DLG2: variants seen among roughly 807,000 people sequenced by gnomAD.
DLG2 encodes the protein disks large homolog 2.
In DLG2, 45 loss-of-function variants were observed where a neutral mutation model predicts 132.5. That is an observed-to-expected ratio of 0.34 (90% CI 0.27 to 0.44). The LOEUF (loss-of-function observed/expected upper bound fraction) is 0.44. Among genes scored for constraint, DLG2 ranks in the 20% least tolerant of loss-of-function variants. The pLI is 1.00. For missense variants in DLG2, 1,045 were observed against 1,196.9 expected (o/e 0.87, Z 1.87); for synonymous variants, 424 against 419.6 (o/e 1.01, Z -0.13).
intron 3 of DLG2, among the ~76,000 whole-genome samples, chr11:85,411,745 T>C (rs2089329767): frequency 6.6e-6 from 1 of 151,828 alleles, no homozygotes; most frequent in African/African-American, 2.4e-5. Context: ...AAAATAGTGA[T>C]TTTAGCCTCA....
In DLG2 at chr11:83,725,246, C is replaced by G. The variant is rs966416901; in HGVS notation, c.1825+61444G>C. On this transcript the variant is annotated intron_variant, in intron 18 of 27. Transcript: ENST00000376104. ...AGAGGTGAAAACCTGCCTGGGGAGGCTGCTGAAGGACGCCAGGAAGAATTC... is the reference window on the plus strand; with the variant it reads ...AGAGGTGAAAACCTGCCTGGGGAGGGTGCTGAAGGACGCCAGGAAGAATTC... 9 of 232,754 alleles carry G rather than the reference C, an allele frequency of 3.9e-5. No individual in the cohort carries two copies. The Admixed American group carries it at 4.7e-4, about 12-fold the overall frequency. The allele number at this position is 232,754 out of a possible 1,614,324, so 14.4% of individuals were successfully genotyped here.
intron 11 of DLG2, among the ~76,000 whole-genome samples, chr11:84,019,373 C>A (rs1273019526): frequency 1.3e-5 from 2 of 151,940 alleles, no homozygotes; most frequent in African/African-American, 4.8e-5. Flanking sequence ...TTAATTCTGT[C>A]AAAATAGGCC....
chr11:83,593,731 C>A (rs1397191371), intron 19 of DLG2, among the ~76,000 whole-genome samples: 1 of 148,588 alleles, frequency 6.7e-6, no homozygotes, highest in Non-Finnish European at 1.5e-5. Flanking sequence ...ATGTGGAAAT[C>A]CAGTCCTGGC....
At chr11:84,009,534 C>T (rs1315704021) in intron 11 of DLG2, among the ~76,000 whole-genome samples, 1 of 151,918 alleles carries the variant, frequency 6.6e-6, no homozygotes, top group African/African-American at 2.4e-5. Flanking sequence ...GCTAAGCTGC[C>T]TATTTGTTTT....
intron 7 of DLG2, among the ~76,000 whole-genome samples, chr11:84,323,566 A>G (rs1003924059): frequency 1.3e-5 from 2 of 152,132 alleles, no homozygotes; most frequent in African/African-American, 4.8e-5. Flanking sequence ...CAAAAGTGGT[A>G]TTGTTGAATT....
At chr11:84,449,501 GA>G (rs932821588) in intron 7 of DLG2, among the ~76,000 whole-genome samples, 3 of 151,564 alleles carry the variant, frequency 2.0e-5, no homozygotes. Flanking sequence ...TAACTAGATA[GA>G]AAAGGGGAGA....
Position 84,794,499 on chromosome 11 carries a change from A to G in DLG2, c.358-259768T>C, listed in dbSNP as rs549117548. On this transcript the variant is annotated intron_variant, in intron 6 of 27. Transcript: ENST00000376104. ...TGGGTGCAGCTGCAGCCACCCAGCA[A>G]TGGTTCAACACCTGGGCATCCCTGT... Among the ~76,000 whole-genome samples the G allele has an allele frequency of 2.6e-5, 4 of 152,106 alleles. No homozygotes were observed. The East Asian group carries it at 7.7e-4, about 29-fold the overall frequency.
At position 84,102,439 on chromosome 11, in the gene DLG2, A is replaced by G. The variant is rs1292575437; in HGVS notation, c.625-3392T>C. Among the ~76,000 whole-genome samples, 5 of 152,280 alleles carry G rather than the reference A, an allele frequency of 3.3e-5. No individual in the cohort carries two copies. The East Asian group carries it at 7.7e-4, about 24-fold the overall frequency. On this transcript the variant is annotated intron_variant, in intron 9 of 27. Coordinates refer to ENST00000376104, the MANE Select transcript of DLG2 (RefSeq NM_001142699.3). ...AAAAAGGCCACAATAGAAATCCACA[A>G]TGTGTTAAGGAATACAATATGGAAG... is the stretch of plus-strand genomic sequence containing the variant.
intron 9 of DLG2, among the ~76,000 whole-genome samples, chr11:84,116,479 A>G (rs2093639030): frequency 6.6e-6 from 1 of 152,142 alleles, no homozygotes; most frequent in African/African-American, 2.4e-5. Context: ...TGGAAGGTGA[A>G]GGTCTTACAT....
chr11:84,537,670 G>A (rs1366919064), intron 6 of DLG2, among the ~76,000 whole-genome samples: 1 of 152,114 alleles, frequency 6.6e-6, no homozygotes, highest in African/African-American at 2.4e-5. Context: ...ATGCTATATG[G>A]TTGTGTATTT....
intron 3 of DLG2, among the ~76,000 whole-genome samples, chr11:85,524,170 G>C (rs1202911659): frequency 6.6e-6 from 1 of 152,122 alleles, no homozygotes; most frequent in Non-Finnish European, 1.5e-5. Context: ...ATAAGATCTA[G>C]TATTTGGTAG....
intron 6 of DLG2, among the ~76,000 whole-genome samples, chr11:84,633,778 A>G (rs912043753): frequency 2.0e-5 from 3 of 152,156 alleles, no homozygotes; most frequent in Non-Finnish European, 4.4e-5. Context: ...GTTCAGGGCC[A>G]TCCTTATGAT....
chr11:84,854,190 A>C (rs577336518), intron 6 of DLG2, among the ~76,000 whole-genome samples: 5 of 150,994 alleles, frequency 3.3e-5, no homozygotes, highest in Admixed American at 3.3e-4. Context: ...TAAAATCCAA[A>C]CTTCTTAGAC....
chr11:83,585,863 A>G (rs145552724), intron 19 of DLG2, among the ~76,000 whole-genome samples: 109 of 152,336 alleles, frequency 7.2e-4, no homozygotes, highest in Non-Finnish European at 1.2e-3. Context: ...TATCATTACC[A>G]TGGTATAATT....
At chr11:83,534,445 C>T (rs2095834472) in intron 20 of DLG2, among the ~76,000 whole-genome samples, 1 of 152,170 alleles carries the variant, frequency 6.6e-6, no homozygotes, top group Non-Finnish European at 1.5e-5. Context: ...GGAGTCTAAG[C>T]TATTCATAGA....
At chr11:83,942,584 G>C (rs946843495) in intron 14 of DLG2, among the ~76,000 whole-genome samples, 1 of 152,100 alleles carries the variant, frequency 6.6e-6, no homozygotes, top group Non-Finnish European at 1.5e-5. Flanking sequence ...TTATAAATCT[G>C]TATATATAGT....
At chr11:85,077,582 C>G (rs1425274205) in intron 6 of DLG2, among the ~76,000 whole-genome samples, 4 of 151,856 alleles carry the variant, frequency 2.6e-5, no homozygotes, top group Admixed American at 1.3e-4. Flanking sequence ...TTGAACCTCA[C>G]TCAATATTAA....
chr11:85,439,117 C>G (rs2091643036), intron 3 of DLG2, among the ~76,000 whole-genome samples: 1 of 152,084 alleles, frequency 6.6e-6, no homozygotes, highest in Non-Finnish European at 1.5e-5. Context: ...CAGATTTTGG[C>G]TATTAAAAAT....
intron 9 of DLG2, among the ~76,000 whole-genome samples, chr11:84,108,077 G>T (rs1381043030): frequency 6.6e-6 from 1 of 152,106 alleles, no homozygotes; most frequent in Non-Finnish European, 1.5e-5. Context: ...TGTTAGAAAA[G>T]ATAGGAAAAT....
Sources: allele counts gnomAD v4.1 joint callset (sites outside exome capture counted in the v4.1 genomes callset), GRCh38; gene constraint gnomAD v4.1.1; transcripts MANE v1.5; gene names NCBI Gene and HGNC (gene_info 2026-07-23, HGNC 2026-07-21).